NXPE4: variants seen among roughly 807,000 people sequenced by gnomAD.
NXPE4 encodes neurexophilin and PC-esterase domain family member 4, also known as NXPE family member 4.
Under a neutral mutation model 33.3 loss-of-function variants are expected in NXPE4, and 42 were observed. The observed-to-expected ratio is 1.26, with a 90% CI of 0.98 to 1.63. The LOEUF (loss-of-function observed/expected upper bound fraction) is 1.63, where lower values mean the gene tolerates loss of function less well. NXPE4 is among the 40% of genes most tolerant of loss of function. NXPE4 has a pLI of 0.00. For synonymous variants in NXPE4, 253 were observed against 234.9 expected, an observed-to-expected ratio of 1.08 and a Z score of -0.71; for missense variants, 709 against 647.6, an observed-to-expected ratio of 1.09 and a Z score of -1.03.
chr11:114,674,269 C>T, the NXPE4 span, among the ~76,000 whole-genome samples: 1 of 151,750 alleles, frequency 6.6e-6, no homozygotes, highest in East Asian at 1.9e-4. Flanking sequence ...ACCAAATAAC[C>T]TTAATTTTCT....
At chr11:114,609,932 G>T in the NXPE4 span, among the ~76,000 whole-genome samples, 1 of 151,834 alleles carries the variant, frequency 6.6e-6, no homozygotes, top group Non-Finnish European at 1.5e-5. Flanking sequence ...TGGATAATAA[G>T]TGTTGCCTCG....
At chr11:114,578,459 T>C (rs1207127796) in intron 5 of NXPE4, among the ~76,000 whole-genome samples, 1 of 152,222 alleles carries the variant, frequency 6.6e-6, no homozygotes, top group African/African-American at 2.4e-5. Context: ...TACTAGACCC[T>C]GAATTTTGTA....
the NXPE4 span, among the ~76,000 whole-genome samples, chr11:114,664,950 A>T: frequency 2.0e-5 from 3 of 152,158 alleles, no homozygotes; most frequent in African/African-American, 7.2e-5. Flanking sequence ...AGGCTAAGCT[A>T]TGATGTTTGG....
the NXPE4 span, among the ~76,000 whole-genome samples, chr11:114,610,191 C>T: frequency 6.8e-4 from 104 of 151,962 alleles, no homozygotes; most frequent in East Asian, 7.6e-3. Context: ...AGTATTGCCA[C>T]GTGGGTAGCC....
intron 2 of NXPE4, among the ~76,000 whole-genome samples, chr11:114,593,732 T>C (rs1949515361): frequency 6.6e-6 from 1 of 152,154 alleles, no homozygotes; most frequent in South Asian, 2.1e-4. Context: ...CCCATGTTTA[T>C]TGCAGCACTG....
At chr11:114,627,830 C>T in the NXPE4 span, among the ~76,000 whole-genome samples, 4 of 150,996 alleles carry the variant, frequency 2.6e-5, no homozygotes, top group Non-Finnish European at 5.9e-5. Context: ...GGAAGATCTA[C>T]CAAGCAAATG....
chr11:114,661,507 A>G, the NXPE4 span, among the ~76,000 whole-genome samples: 1 of 152,196 alleles, frequency 6.6e-6, no homozygotes, highest in Non-Finnish European at 1.5e-5. Flanking sequence ...TCATATTGCA[A>G]CTGATGGACT....
upstream of NXPE4, among the ~76,000 whole-genome samples, chr11:114,598,218 T>A (rs1051147949): frequency 1.2e-4 from 17 of 136,578 alleles, no homozygotes; most frequent in Non-Finnish European, 2.6e-4. Flanking sequence ...TTTGACCCCA[T>A]GTCTCACATC....
At chr11:114,632,570 T>A in the NXPE4 span, among the ~76,000 whole-genome samples, 4 of 113,952 alleles carry the variant, frequency 3.5e-5, no homozygotes, top group Non-Finnish European at 6.5e-5. Flanking sequence ...TATATTTACA[T>A]ATATCATATA....
chr11:114,619,794 G>A, the NXPE4 span, among the ~76,000 whole-genome samples: 24 of 151,778 alleles, frequency 1.6e-4, no homozygotes, highest in Middle Eastern at 0.01. Flanking sequence ...GTAATGCCTC[G>A]TGAGTAACCA....
At chr11:114,621,793 GATA>G in the NXPE4 span, among the ~76,000 whole-genome samples, 2 of 151,970 alleles carry the variant, frequency 1.3e-5, no homozygotes, top group African/African-American at 2.4e-5. Flanking sequence ...TTACCCACTG[GATA>G]ATAATTATTG....
the NXPE4 span, among the ~76,000 whole-genome samples, chr11:114,659,433 CA>C: frequency 0.6 from 88,341 of 146,802 alleles, 27,668 homozygotes; most frequent in East Asian, 0.88. Context: ...TTCTGTTAAA[CA>C]AAAAAAAGAG....
At chr11:114,630,873 A>G in the NXPE4 span, among the ~76,000 whole-genome samples, 1 of 151,922 alleles carries the variant, frequency 6.6e-6, no homozygotes, top group African/African-American at 2.4e-5. Context: ...GGACATGAAC[A>G]GACACTTCTT....
the NXPE4 span, among the ~76,000 whole-genome samples, chr11:114,627,912 A>C: frequency 2.0e-5 from 3 of 151,970 alleles, no homozygotes; most frequent in Non-Finnish European, 4.4e-5. Flanking sequence ...AAAGATCAAA[A>C]GAGACAAAGA....
chr11:114,644,898 T>G, the NXPE4 span, among the ~76,000 whole-genome samples: 4 of 151,552 alleles, frequency 2.6e-5, no homozygotes, highest in African/African-American at 9.7e-5. Flanking sequence ...AAGATAGAAT[T>G]AAAAGCGCAG....
At chr11:114,645,184 C>T in the NXPE4 span, among the ~76,000 whole-genome samples, 1 of 152,050 alleles carries the variant, frequency 6.6e-6, no homozygotes, top group Non-Finnish European at 1.5e-5. Flanking sequence ...CACTTATAAT[C>T]TCAGCTACAC....
the NXPE4 span, among the ~76,000 whole-genome samples, chr11:114,646,664 G>A: frequency 6.6e-6 from 1 of 152,022 alleles, no homozygotes; most frequent in South Asian, 2.1e-4. Context: ...CATTAAAATA[G>A]ACCCAATTAC....
At chr11:114,649,440 A>T in the NXPE4 span, among the ~76,000 whole-genome samples, 50 of 152,350 alleles carry the variant, frequency 3.3e-4, no homozygotes, top group Admixed American at 2.6e-4. Context: ...TAGCATATGG[A>T]AGGACCTCAC....
At chr11:114,583,375 G>T (rs1949202446) in intron 2 of NXPE4, 1 of 623,084 alleles carries the variant, frequency 1.6e-6, no homozygotes, top group Non-Finnish European at 3.1e-6. Context: ...CTCATAATTT[G>T]CTGCTCAACT....
Sources: gnomAD v4.1 joint callset for allele counts (sites outside exome capture counted in the v4.1 genomes callset) on GRCh38, gnomAD v4.1.1 for gene constraint, MANE v1.5 for transcripts, NCBI Gene and HGNC (gene_info 2026-07-23, HGNC 2026-07-21) for gene names.